Variants in FAAH2 observed in about 807,000 individuals in gnomAD.
FAAH2 encodes fatty-acid amide hydrolase 2.
Under a neutral mutation model 36.9 loss-of-function variants are expected in FAAH2, and 60 were observed. The observed-to-expected ratio is 1.63, with a 90% CI of 1.32 to 2.02. The LOEUF is 2.02. Among genes scored for constraint, FAAH2 ranks in the 30% most tolerant of loss-of-function variants. FAAH2 has a pLI of 0.00. For missense variants in FAAH2, 689 were observed against 397.5 expected (o/e 1.73, Z -6.23); for synonymous variants, 214 against 143.8 (o/e 1.49, Z -3.49).
chrX:57,270,733 G>A, the FAAH2 span, among the ~76,000 whole-genome samples: 6 of 111,090 alleles, frequency 5.4e-5, no homozygotes, highest in South Asian at 3.8e-4. Flanking sequence ...GCAAGGGGTC[G>A]GGGAATTTTC....
the FAAH2 span, chrX:57,136,808 A>AG: frequency 2.6e-6 from 1 of 389,841 alleles, no homozygotes; most frequent in Non-Finnish European, 4.6e-6. Flanking sequence ...GTGGTGCAGT[A>AG]GAGCTGTCTG....
chrX:57,218,684 G>A, the FAAH2 span, among the ~76,000 whole-genome samples: 1 of 111,068 alleles, frequency 9.0e-6, no homozygotes, highest in Non-Finnish European at 1.9e-5. Context: ...TTCTCTCCTG[G>A]TTTTGGTATT....
chrX:57,322,580 T>C (rs2053062349), intron 3 of FAAH2, among the ~76,000 whole-genome samples: 1 of 111,604 alleles, frequency 9.0e-6, no homozygotes, highest in East Asian at 2.8e-4. Context: ...ATTGGTGATA[T>C]CCTGAAATAT....
At chrX:57,363,546 T>C (rs1469486335) in intron 5 of FAAH2, among the ~76,000 whole-genome samples, 1 of 111,371 alleles carries the variant, frequency 9.0e-6, no homozygotes, top group East Asian at 2.8e-4. Flanking sequence ...TTTATTTGGA[T>C]GCCTTTTTTT....
the FAAH2 span, among the ~76,000 whole-genome samples, chrX:57,271,779 C>T: frequency 1.8e-5 from 2 of 109,758 alleles, no homozygotes; most frequent in East Asian, 2.9e-4. Context: ...GATAAATCCA[C>T]AAAGATAGGA....
At chrX:57,451,864 G>A (rs1196494909) in intron 10 of FAAH2, among the ~76,000 whole-genome samples, 1 of 112,581 alleles carries the variant, frequency 8.9e-6, no homozygotes, top group Non-Finnish European at 1.9e-5. Context: ...GAATAACACA[G>A]TAATGAAAGA....
At chrX:57,223,096 C>T in the FAAH2 span, among the ~76,000 whole-genome samples, 3 of 112,367 alleles carry the variant, frequency 2.7e-5, no homozygotes, top group African/African-American at 9.7e-5. Flanking sequence ...CTGGAAAAAA[C>T]GAGGCTTCCT....
chrX:57,391,035 A>G (rs2055154094), intron 7 of FAAH2, among the ~76,000 whole-genome samples: 2 of 111,530 alleles, frequency 1.8e-5, no homozygotes, highest in African/African-American at 3.2e-5. Context: ...GTAAGATGGT[A>G]TCTCATTGTG....
the FAAH2 span, chrX:57,135,622 A>G: frequency 4.5e-5 from 43 of 945,808 alleles, no homozygotes; most frequent in South Asian, 3.7e-4. Context: ...GAACTTTTCA[A>G]CAAGACAAAG....
At chrX:57,247,059 A>C in the FAAH2 span, among the ~76,000 whole-genome samples, 1 of 111,828 alleles carries the variant, frequency 8.9e-6, no homozygotes, top group African/African-American at 3.2e-5. Flanking sequence ...AATCATTAAA[A>C]ATGTAAAAGC....
the FAAH2 span, among the ~76,000 whole-genome samples, chrX:57,156,209 A>C: frequency 8.9e-6 from 1 of 112,188 alleles, no homozygotes; most frequent in Non-Finnish European, 1.9e-5. Context: ...TTCAGCTCTA[A>C]GATATCTGTT....
intron 7 of FAAH2, among the ~76,000 whole-genome samples, chrX:57,405,324 TG>T (rs2055539358): frequency 9.0e-6 from 1 of 111,112 alleles, no homozygotes; most frequent in Non-Finnish European, 1.9e-5. Context: ...AATGGAATGT[TG>T]CACCATGCAG....
chrX:57,322,050 T>C (rs2053039920), intron 3 of FAAH2, among the ~76,000 whole-genome samples: 1 of 111,643 alleles, frequency 9.0e-6, no homozygotes, highest in African/African-American at 3.3e-5. Context: ...ATTTTTTTTT[T>C]TTTTGAGACG....
At chrX:57,172,038 T>C in the FAAH2 span, among the ~76,000 whole-genome samples, 1 of 111,805 alleles carries the variant, frequency 8.9e-6, no homozygotes, top group African/African-American at 3.3e-5. Context: ...TTTTGTATGC[T>C]TTGTTGACCA....
At chrX:57,315,729 C>T (rs1324421276) in intron 3 of FAAH2, among the ~76,000 whole-genome samples, 2 of 111,189 alleles carry the variant, frequency 1.8e-5, no homozygotes, top group African/African-American at 3.3e-5. Flanking sequence ...ATACTAACTC[C>T]CAACAGACTA....
At chrX:57,214,583 T>A in the FAAH2 span, among the ~76,000 whole-genome samples, 1 of 111,194 alleles carries the variant, frequency 9.0e-6, no homozygotes, top group Non-Finnish European at 1.9e-5. Context: ...CGTGCCATGA[T>A]GCCTGGCTAA....
chrX:57,461,684 CA>C (rs1328039613), intron 10 of FAAH2, among the ~76,000 whole-genome samples: 5 of 110,612 alleles, frequency 4.5e-5, no homozygotes, highest in African/African-American at 1.6e-4. Flanking sequence ...CACTAAATGC[CA>C]AAATCAGAAA....
chrX:57,230,567 T>G, the FAAH2 span, among the ~76,000 whole-genome samples: 14 of 111,746 alleles, frequency 1.3e-4, no homozygotes, highest in Non-Finnish European at 2.1e-4. Flanking sequence ...TTATCTTTAT[T>G]TTTCTGTCTC....
intron 6 of FAAH2, among the ~76,000 whole-genome samples, chrX:57,380,246 C>A (rs1321819070): frequency 1.8e-5 from 2 of 110,320 alleles, no homozygotes; most frequent in African/African-American, 6.6e-5. Context: ...TTCTACTTAC[C>A]CTCTCAGAAT....
Sources: allele counts gnomAD v4.1 joint callset (sites outside exome capture counted in the v4.1 genomes callset), GRCh38; gene constraint gnomAD v4.1.1; transcripts MANE v1.5; gene names NCBI Gene and HGNC (gene_info 2026-07-23, HGNC 2026-07-21).